The following COBLL1 variants were observed in gnomAD, a reference collection of about 807,000 sequenced individuals.
COBLL1 encodes cordon-bleu protein-like 1.
COBLL1 carries 50 observed loss-of-function variants against 94.8 expected under a neutral mutation model. The ratio of observed to expected loss-of-function variants is 0.53; its 90% CI spans 0.42 to 0.67. COBLL1 has a LOEUF of 0.67. Among genes scored for constraint, COBLL1 ranks in the 30% least tolerant of loss-of-function variants. The pLI is 0.00. For synonymous variants in COBLL1, 448 were observed against 473.8 expected (o/e 0.95, Z 0.71); for missense variants, 1,362 against 1,348.7 (o/e 1.01, Z -0.15).
intron 2 of COBLL1, among the ~76,000 whole-genome samples, chr2:164,820,877 C>T (rs1195933387): frequency 6.6e-6 from 1 of 152,012 alleles, no homozygotes; most frequent in South Asian, 2.1e-4. Context: ...ATGACATGGA[C>T]AATTTTTTGT....
At chr2:164,716,937 C>A (rs374228324) in intron 7 of COBLL1, among the ~76,000 whole-genome samples, 2 of 152,164 alleles carry the variant, frequency 1.3e-5, no homozygotes, top group East Asian at 3.9e-4. Context: ...CATCAGTAAA[C>A]CTTGACTAAG....
chr2:164,718,458 G>A (rs187904522), intron 7 of COBLL1, among the ~76,000 whole-genome samples: 3 of 152,160 alleles, frequency 2.0e-5, no homozygotes, highest in Admixed American at 2.0e-4. Context: ...AGTATAACAT[G>A]CATGTAGTAT....
intron 2 of COBLL1, among the ~76,000 whole-genome samples, chr2:164,769,792 C>T (rs186902862): frequency 1.3e-5 from 2 of 152,042 alleles, no homozygotes; most frequent in Admixed American, 6.6e-5. Flanking sequence ...CACATATACC[C>T]CCCCCAGAGC....
At chr2:164,710,090 G>A (rs1476818496) in intron 7 of COBLL1, among the ~76,000 whole-genome samples, 3 of 151,740 alleles carry the variant, frequency 2.0e-5, no homozygotes, top group African/African-American at 7.3e-5. Context: ...GAAGACTCTT[G>A]GAAAATAATT....
chr2:164,792,855 T>C (rs1166251747), intron 2 of COBLL1, among the ~76,000 whole-genome samples: 1 of 152,120 alleles, frequency 6.6e-6, no homozygotes. Context: ...GATTAAGTAA[T>C]GTACTCTGCT....
At chr2:164,663,259 A>G (rs1406498602) in intron 2 of COBLL1, among the ~76,000 whole-genome samples, 1 of 152,208 alleles carries the variant, frequency 6.6e-6, no homozygotes, top group Non-Finnish European at 1.5e-5. Flanking sequence ...ACATATCCCT[A>G]ATATTCACCA....
At chr2:164,739,840 T>C (rs951892996) in intron 3 of COBLL1, among the ~76,000 whole-genome samples, 2 of 152,256 alleles carry the variant, frequency 1.3e-5, no homozygotes, top group Non-Finnish European at 2.9e-5. Context: ...CATAATTTTC[T>C]ATTTGAACAT....
intron 7 of COBLL1, among the ~76,000 whole-genome samples, chr2:164,713,553 G>A (rs999794311): frequency 3.9e-5 from 6 of 152,106 alleles, no homozygotes; most frequent in Admixed American, 3.3e-4. Context: ...CCATTCAGGG[G>A]ATTCTGAGTG....
chr2:164,727,820 T>C, intron 5 of COBLL1, 149 bp downstream of exon 5: 1 of 446,384 alleles, frequency 2.2e-6, no homozygotes, highest in Non-Finnish European at 4.0e-6. Context: ...CATTTTGTTT[T>C]CTTATTCCTA....
chr2:164,764,480 A>C lies in COBLL1; in HGVS notation c.42-20605T>G, dbSNP rs184432377. Among the ~76,000 whole-genome samples the C allele has an allele frequency of 1.4e-3, 212 of 152,284 alleles. 4 individuals carry two copies. The highest frequency in any genetic ancestry group is 0.013 in the South Asian group (63 of 4,828). ...AGTATGAACATGATTTTCTTCTTTC[A>C]AAAATGCATATTATCCAGCTGTCCA... On this transcript the variant is annotated intron_variant, in intron 2 of 13. Transcript: ENST00000652658.
chr2:164,771,414 G>A (rs1206098124), intron 2 of COBLL1, among the ~76,000 whole-genome samples: 1 of 151,880 alleles, frequency 6.6e-6, no homozygotes, highest in African/African-American at 2.4e-5. Context: ...AAAAAAAATT[G>A]TGTACTGTGT....
At chr2:164,763,682 A>G (rs1453718701) in intron 2 of COBLL1, among the ~76,000 whole-genome samples, 1 of 152,228 alleles carries the variant, frequency 6.6e-6, no homozygotes, top group Non-Finnish European at 1.5e-5. Flanking sequence ...TGACTGGAAT[A>G]TATTATCAAA....
intron 2 of COBLL1, among the ~76,000 whole-genome samples, chr2:164,763,199 TC>T (rs1393781053): frequency 1.3e-5 from 2 of 152,142 alleles, no homozygotes; most frequent in African/African-American, 4.8e-5. Context: ...GGGTCACATT[TC>T]CAATAAAGTC....
chr2:164,749,076 G>A (rs1319881781), intron 2 of COBLL1, among the ~76,000 whole-genome samples: 2 of 151,854 alleles, frequency 1.3e-5, no homozygotes, highest in East Asian at 1.9e-4. Flanking sequence ...CTCCATTACT[G>A]TCAATATAAT....
At chr2:164,666,815 T>A (rs761147861) in intron 1 of COBLL1, among the ~76,000 whole-genome samples, 11 of 152,226 alleles carry the variant, frequency 7.2e-5, no homozygotes, top group Non-Finnish European at 1.2e-4. Flanking sequence ...CACTTCTAAT[T>A]CTAGCTCTCT....
intron 3 of COBLL1, among the ~76,000 whole-genome samples, chr2:164,730,895 T>C (rs868432141): frequency 2.0e-5 from 3 of 152,178 alleles, no homozygotes; most frequent in Admixed American, 6.5e-5. Context: ...CTAAAAGGTG[T>C]AGTACAAATT....
chr2:164,840,961 C>T (rs1360959137), intron 2 of COBLL1, 195 bp downstream of exon 2: 4 of 508,302 alleles, frequency 7.9e-6, no homozygotes, highest in East Asian at 3.6e-5. Flanking sequence ...CAACCAAAAA[C>T]GACCCGAGCC....
intron 2 of COBLL1, among the ~76,000 whole-genome samples, chr2:164,834,758 A>G (rs746662377): frequency 6.6e-6 from 1 of 152,244 alleles, no homozygotes; most frequent in Non-Finnish European, 1.5e-5. Context: ...TTTGCCAGTA[A>G]AACTCTATAA....
chr2:164,819,989 C>CT (rs143956749), intron 2 of COBLL1, among the ~76,000 whole-genome samples: 17,656 of 137,728 alleles, frequency 0.13, 1,242 homozygotes, highest in East Asian at 0.33. Context: ...CCATACCTGG[C>CT]TTTTTTTTTT....
Sources: allele counts gnomAD v4.1 joint callset (sites outside exome capture counted in the v4.1 genomes callset), GRCh38; gene constraint gnomAD v4.1.1; transcripts MANE v1.5; gene names NCBI Gene and HGNC (gene_info 2026-07-23, HGNC 2026-07-21).